IRAG2: variants seen among roughly 807,000 people sequenced by gnomAD.
The protein encoded by IRAG2 is lymphoid restricted membrane protein.
A neutral mutation model predicts 69.9 loss-of-function variants in IRAG2; 45 were observed. The ratio of observed to expected loss-of-function variants is 0.64; its 90% CI spans 0.51 to 0.83. The LOEUF is 0.83. Ranked by LOEUF, IRAG2 falls within the 40% of genes least tolerant of loss-of-function variation. The probability of loss-of-function intolerance (pLI) is 0.00; values close to 1 mark genes in which losing one functional copy is unlikely to be tolerated. For missense variants in IRAG2, 520 were observed against 587.0 expected (o/e 0.89, Z 1.18); for synonymous variants, 193 against 202.4 (o/e 0.95, Z 0.40).
chr12:25,063,424 C>A (rs1174628466), intron 3 of IRAG2, among the ~76,000 whole-genome samples: 1 of 152,168 alleles, frequency 6.6e-6, no homozygotes, highest in East Asian at 1.9e-4. Context: ...ATACCTCTTT[C>A]CTCAAAGCCT....
intron 16 of IRAG2, among the ~76,000 whole-genome samples, chr12:25,046,329 C>T (rs1223514235): frequency 1.3e-5 from 2 of 151,872 alleles, no homozygotes; most frequent in Non-Finnish European, 2.9e-5. Flanking sequence ...CTCACCACTT[C>T]TGTTCAGTGT....
At position 25,108,043 on chromosome 12, in the gene IRAG2, G is replaced by A. The variant is rs756832239; in HGVS notation, c.1483G>A (p.Gly495Arg). ...LWPFTRLRHN[G>R]PPPV ...GCCATTTACCAGACTCCGACACAATGGGCCACCACCAGTGTGACAGCAGGA... is the reference window on the plus strand; with the variant it reads ...GCCATTTACCAGACTCCGACACAATAGGCCACCACCAGTGTGACAGCAGGA... The change falls in exon 22 of 22, where the codon GGG (glycine) becomes AGG (arginine). Residue 495 changes from glycine (G) to arginine (R), a missense_variant. Transcript: ENST00000556887. 6.2e-6 allele frequency: 10 copies of A among 1,613,706 alleles called. No individual in the cohort carries two copies. Among genetic ancestry groups the A allele is most frequent in the Non-Finnish European group, 8.5e-6 (10 of 1,179,934 alleles).
intron 6 of IRAG2, among the ~76,000 whole-genome samples, chr12:25,070,853 G>A (rs996138835): frequency 6.6e-6 from 1 of 152,144 alleles, no homozygotes; most frequent in Middle Eastern, 3.2e-3. Flanking sequence ...ATACCTCACT[G>A]TATTTTTGAT....
chr12:25,020,138 C>T (rs1944566372), intron 6 of IRAG2, among the ~76,000 whole-genome samples: 1 of 152,152 alleles, frequency 6.6e-6, no homozygotes, highest in African/African-American at 2.4e-5. Flanking sequence ...AGGCTTTGTT[C>T]CTAAGGGAAC....
intron 2 of IRAG2, among the ~76,000 whole-genome samples, chr12:25,007,938 G>A (rs1001438164): frequency 6.6e-6 from 1 of 152,032 alleles, no homozygotes; most frequent in African/African-American, 2.4e-5. Flanking sequence ...AAAGTTTGAG[G>A]GTTTTTATTT....
chr12:25,003,442 C>G (rs1404369897), upstream of IRAG2, among the ~76,000 whole-genome samples: 1 of 152,034 alleles, frequency 6.6e-6, no homozygotes, highest in Non-Finnish European at 1.5e-5. Flanking sequence ...CCCTCCCATA[C>G]TCAAGTGACC....
intron 2 of IRAG2, among the ~76,000 whole-genome samples, chr12:25,006,025 A>G (rs1303852624): frequency 6.6e-6 from 1 of 152,202 alleles, no homozygotes; most frequent in East Asian, 1.9e-4. Context: ...AACTTAAACA[A>G]TTCAACAAAC....
At chr12:25,014,914 A>G (rs1047246916) in intron 3 of IRAG2, among the ~76,000 whole-genome samples, 1 of 151,504 alleles carries the variant, frequency 6.6e-6, no homozygotes, top group African/African-American at 2.4e-5. Flanking sequence ...TGGATGGTGG[A>G]GGTAATGCCT....
At chr12:25,036,570 G>C in intron 14 of IRAG2, 1 of 398,778 alleles carries the variant, frequency 2.5e-6, no homozygotes, top group Non-Finnish European at 4.4e-6. Context: ...TGAAGATGTG[G>C]AACTCTTTTT....
At chr12:25,020,720 G>T in intron 6 of IRAG2, 2 of 673,922 alleles carry the variant, frequency 3.0e-6, no homozygotes, top group Non-Finnish European at 4.2e-6. Flanking sequence ...AATAGTCCTT[G>T]GCTGTTCTTA....
intron 10 of IRAG2, among the ~76,000 whole-genome samples, chr12:25,087,180 T>TTTTTTTTTTTTTTTG (rs1450270058): frequency 1.6e-5 from 2 of 125,172 alleles, no homozygotes; most frequent in African/African-American, 6.3e-5. Context: ...TTTTTTTTTT[T>TTTTTTTTTTTTTTTG]TTGTTGAGAC....
intron 11 of IRAG2, 97 bp from the exon 12 acceptor site, chr12:25,089,512 TAAATG>T: frequency 1.5e-6 from 1 of 661,904 alleles, no homozygotes; most frequent in Non-Finnish European, 2.6e-6. Context: ...CAGACATATT[TAAATG>T]AAATACTTTT....
At chr12:25,029,595 T>C (rs1396244586) in intron 9 of IRAG2, among the ~76,000 whole-genome samples, 1 of 152,224 alleles carries the variant, frequency 6.6e-6, no homozygotes, top group Non-Finnish European at 1.5e-5. Context: ...CAAGCTTGCT[T>C]TTGATTTGAA....
chr12:25,011,488 A>G (rs1276964394), exon 3 of IRAG2: 1 of 1,231,582 alleles, frequency 8.1e-7, no homozygotes, highest in East Asian at 3.2e-5. Flanking sequence ...AGAGACCCAC[A>G]TGTGGACCTG....
At chr12:25,096,706 T>C (rs935696876) in intron 14 of IRAG2, among the ~76,000 whole-genome samples, 2 of 152,204 alleles carry the variant, frequency 1.3e-5, no homozygotes, top group African/African-American at 4.8e-5. Flanking sequence ...AAAAGATTTG[T>C]GATCACCTGC....
At chr12:24,999,610 T>C (rs186669403), upstream of IRAG2, among the ~76,000 whole-genome samples, 11 of 152,202 alleles carry the variant, frequency 7.2e-5, no homozygotes, top group Admixed American at 3.9e-4. Context: ...AGATTTATAG[T>C]TCCACTTCTT....
intron 1 of IRAG2, 79 bp downstream of exon 1, chr12:25,053,035 A>C: frequency 2.5e-6 from 1 of 397,612 alleles, no homozygotes; most frequent in Non-Finnish European, 4.4e-6. Flanking sequence ...ATTTTTCTAG[A>C]TTACAGCTAG....
intron 11 of IRAG2, 133 bp downstream of exon 11, chr12:25,088,290 G>A (rs859154): frequency 0.54 from 366,009 of 680,590 alleles, 99,743 homozygotes; most frequent in Middle Eastern, 0.64. Context: ...CAATAGGACC[G>A]ATTATTGATT....
Position 25,088,148 on chromosome 12 carries a change from G to A in IRAG2, c.364G>A (p.Ala122Thr). The A allele has an allele frequency of 6.2e-7, 1 of 1,612,750 alleles. No individual in the cohort carries two copies. Among genetic ancestry groups the A allele is most frequent in the Non-Finnish European group, 8.5e-7 (1 of 1,178,864 alleles). Residue 122 changes from alanine (A) to threonine (T), a missense_variant, in exon 11 of 22, where the codon GCT (alanine) becomes ACT (threonine). Physicochemically the swap from Ala to Thr is moderately conservative, Grantham distance 58 (BLOSUM62 0). Coordinates refer to ENST00000556887, the MANE Select transcript of IRAG2 (RefSeq NM_001366544.2). ...ETIEEHKKEHASGDSVVSPLP... is the reference protein window; with the variant it reads ...ETIEEHKKEHTSGDSVVSPLP... ...AATAGAAGAACATAAAAAAGAACAT[G>A]CTTCAGGAGGTAAGGAATGTTTCTT...
Sources: gnomAD v4.1 joint callset for allele counts (sites outside exome capture counted in the v4.1 genomes callset) on GRCh38, gnomAD v4.1.1 for gene constraint, MANE v1.5 for transcripts, NCBI Gene and HGNC (gene_info 2026-07-23, HGNC 2026-07-21) for gene names.